EVL: variants seen among roughly 807,000 people sequenced by gnomAD.
EVL encodes ena/VASP-like protein.
EVL carries 21 observed loss-of-function variants against 59.6 expected under a neutral mutation model. The observed-to-expected ratio is 0.35, with a 90% confidence interval of 0.25 to 0.51. EVL has a LOEUF of 0.51. Among genes scored for constraint, EVL ranks in the 20% least tolerant of loss-of-function variants. EVL has a pLI of 0.97. For missense variants in EVL, 462 were observed against 546.6 expected (o/e 0.85, Z 1.54); for synonymous variants, 198 against 203.5 (o/e 0.97, Z 0.23).
chr14:100,126,760 C>G lies in EVL; in HGVS notation c.476C>G (p.Thr159Ser). 2 of 1,613,966 alleles carry G rather than the reference C, an allele frequency of 1.2e-6. No individual in the cohort carries two copies. The highest frequency in any genetic ancestry group is 1.7e-6 in the Non-Finnish European group (2 of 1,179,994). The change falls in exon 5 of 14, where the codon ACC becomes AGC. Residue 159 changes from threonine (T) to serine (S), a missense_variant. Physicochemically the swap from Thr to Ser is moderately conservative, Grantham distance 58. Transcript: ENST00000392920. ...QQRQESLERR[T>S]SATGPILPPG... ...CGTCAGGAATCTCTAGAAAGAAGAA[C>G]CTCGGCCACAGGTGAGAGCCCTCCT...
At chr14:100,056,727 A>G (rs2061739698) in intron 1 of EVL, among the ~76,000 whole-genome samples, 1 of 152,176 alleles carries the variant, frequency 6.6e-6, no homozygotes. Context: ...GTGGCCTGAT[A>G]TTGGAGGCTA....
chr14:100,135,628 C>T (rs1279244364), intron 8 of EVL: 4 of 382,606 alleles, frequency 1.0e-5, no homozygotes, highest in African/African-American at 2.1e-5. Context: ...TCAGGGCTTG[C>T]GGGTGTTGAG....
At position 100,109,355 on chromosome 14, in the gene EVL, G is replaced by GC. The variant is rs1011035107; in HGVS notation, c.358+11701dup. 1.7e-5 allele frequency: 6 copies of GC among 356,114 alleles called. No individual in the cohort carries two copies. The highest frequency in any genetic ancestry group is 2.8e-5 in the Non-Finnish European group (5 of 180,148). 22.1% of individuals were successfully genotyped at this position (356,114 alleles called of 1,614,324 possible). ...CCTGCTGTTGTGAAGCCTTCCCAGT[G>GC]CCCCAGAAGACCTCAGGCACCCCTT... On this transcript the variant is annotated intron_variant, in intron 3 of 13. Coordinates refer to ENST00000392920, the MANE Select transcript of EVL (RefSeq NM_016337.3). The surrounding 1 kb of genome is among the most constrained non-coding windows in gnomAD (Gnocchi z 4.3).
chr14:100,117,919 G>A (rs953715241), intron 3 of EVL, among the ~76,000 whole-genome samples: 7 of 152,214 alleles, frequency 4.6e-5, no homozygotes, highest in African/African-American at 1.2e-4. Context: ...CCCAGTGGCT[G>A]GAGATGCTCA....
chr14:100,123,491 G>A (rs780289235), intron 3 of EVL, 48 bp from the exon 4 acceptor site: 15 of 1,601,428 alleles, frequency 9.4e-6, no homozygotes, highest in South Asian at 2.2e-5. Context: ...GGTTTGCTGG[G>A]GCCTTTCTTC....
At chr14:99,977,724 G>A (rs1215231281) in intron 1 of EVL, among the ~76,000 whole-genome samples, 4 of 151,212 alleles carry the variant, frequency 2.6e-5, no homozygotes, top group African/African-American at 4.9e-5. Flanking sequence ...ATGAGCCACC[G>A]TGCCTGGCCA....
chr14:100,059,600 A>G (rs191815652), intron 1 of EVL, among the ~76,000 whole-genome samples: 2 of 152,178 alleles, frequency 1.3e-5, no homozygotes, highest in African/African-American at 4.8e-5. Context: ...GAGGTCATTC[A>G]GTTCTGGGAG....
intron 2 of EVL, 58 bp from the exon 3 acceptor site, chr14:100,097,423 C>T: frequency 6.7e-7 from 1 of 1,502,426 alleles, no homozygotes. Flanking sequence ...TCGCAGCGCC[C>T]TCGAGCTCAC....
At chr14:100,141,916 A>T in intron 13 of EVL, 123 bp downstream of exon 13, 2 of 695,084 alleles carry the variant, frequency 2.9e-6, no homozygotes, top group Middle Eastern at 4.3e-4. Context: ...GCCCTGTGAG[A>T]GATTTCATTC....
At chr14:99,978,216 G>A (rs971778346) in intron 1 of EVL, 1 of 151,776 alleles carries the variant, frequency 6.6e-6, no homozygotes, top group Admixed American at 6.6e-5. Context: ...GGCTAACACG[G>A]TGAAACCCCG....
chr14:100,022,906 G>A (rs745909), intron 1 of EVL, among the ~76,000 whole-genome samples: 54,375 of 151,998 alleles, frequency 0.36, 13,564 homozygotes, highest in African/African-American at 0.71. Context: ...CCTGAGAAAA[G>A]CGTGGTGTCC....
chr14:100,025,731 C>T (rs1448413915), intron 1 of EVL, among the ~76,000 whole-genome samples: 1 of 152,126 alleles, frequency 6.6e-6, no homozygotes, highest in African/African-American at 2.4e-5. Context: ...AGTTCAAGAC[C>T]AGCCTGACCA....
At chr14:100,139,913 C>G (rs140364956) in intron 11 of EVL, 5 of 152,254 alleles carry the variant, frequency 3.3e-5, no homozygotes, top group Admixed American at 1.3e-4. Context: ...ACCAGAGAGA[C>G]AAGCATTTTG....
chr14:100,040,716 C>T (rs756002190), intron 1 of EVL, among the ~76,000 whole-genome samples: 8 of 152,158 alleles, frequency 5.3e-5, no homozygotes, highest in Admixed American at 2.0e-4. Flanking sequence ...CTCTTCATGA[C>T]CTTTATTGCC....
chr14:100,027,144 G>C (rs1438984018), intron 1 of EVL, among the ~76,000 whole-genome samples: 1 of 151,960 alleles, frequency 6.6e-6, no homozygotes, highest in African/African-American at 2.4e-5. Flanking sequence ...CCTATTTATG[G>C]GGTACATGTG....
At chr14:100,046,703 A>G (rs1200403292) in intron 1 of EVL, among the ~76,000 whole-genome samples, 3 of 150,100 alleles carry the variant, frequency 2.0e-5, no homozygotes, top group Non-Finnish European at 3.0e-5. Flanking sequence ...ATTTTGACAA[A>G]TTATGGAGGC....
upstream of EVL, among the ~76,000 whole-genome samples, chr14:100,063,308 C>G (rs2140266526): frequency 6.6e-6 from 1 of 152,282 alleles, no homozygotes; most frequent in Middle Eastern, 3.4e-3. Context: ...CTGCTGCGTG[C>G]TTTGAAAGTG....
intron 3 of EVL, 116 bp downstream of exon 3, chr14:100,097,774 G>C (rs1010123993): frequency 2.5e-5 from 24 of 959,130 alleles, no homozygotes; most frequent in Non-Finnish European, 3.5e-5. Context: ...AGCTGAGGTT[G>C]CATGTGTTCT....
chr14:100,029,927 T>C (rs1422503796), intron 1 of EVL, among the ~76,000 whole-genome samples: 1 of 152,152 alleles, frequency 6.6e-6, no homozygotes, highest in Non-Finnish European at 1.5e-5. Context: ...GGGGAATAAG[T>C]AGTAGTGATG....
Sources: allele counts gnomAD v4.1 joint callset (sites outside exome capture counted in the v4.1 genomes callset), GRCh38; gene constraint gnomAD v4.1.1; non-coding constraint Gnocchi (gnomAD v3.1); transcripts MANE v1.5; gene names NCBI Gene and HGNC (gene_info 2026-07-23, HGNC 2026-07-21).